PCTP: variants seen among roughly 807,000 people sequenced by gnomAD.
The protein encoded by PCTP is START domain-containing protein 2.
In PCTP, 27 loss-of-function variants were observed where a neutral mutation model predicts 31.0. The ratio of observed to expected loss-of-function variants is 0.87; its 90% CI spans 0.64 to 1.20. The LOEUF (loss-of-function observed/expected upper bound fraction) is 1.20, where lower values mean the gene tolerates loss of function less well. PCTP is among the 50% of genes most tolerant of loss of function. PCTP has a pLI of 0.00. For missense variants in PCTP, 287 were observed against 268.2 expected, an observed-to-expected ratio of 1.07 and a Z score of -0.49; for synonymous variants, 108 against 101.2, an observed-to-expected ratio of 1.07 and a Z score of -0.40.
At chr17:55,781,029 A>T (rs79320680), downstream of PCTP, among the ~76,000 whole-genome samples, 1 of 150,898 alleles carries the variant, frequency 6.6e-6, no homozygotes, top group Non-Finnish European at 1.5e-5. Context: ...AAAAAAAAAA[A>T]ATAGCAGCTT....
chr17:55,788,435 G>C (rs957430101), intron 3 of PCTP, among the ~76,000 whole-genome samples: 2 of 151,972 alleles, frequency 1.3e-5, no homozygotes, highest in Non-Finnish European at 2.9e-5. Context: ...TTTACTTATG[G>C]GGATTATGTT....
intron 3 of PCTP, among the ~76,000 whole-genome samples, chr17:55,821,841 C>A (rs531158327): frequency 6.6e-6 from 1 of 152,116 alleles, no homozygotes; most frequent in African/African-American, 2.4e-5. Flanking sequence ...CTGGGGTGTT[C>A]ACAATAGTGA....
At chr17:55,832,241 G>T (rs1376000373) in intron 5 of PCTP, among the ~76,000 whole-genome samples, 1 of 152,198 alleles carries the variant, frequency 6.6e-6, no homozygotes, top group African/African-American at 2.4e-5. Context: ...ATCCTTGAGG[G>T]CAAGCTCTGT....
intron 3 of PCTP, among the ~76,000 whole-genome samples, chr17:55,793,495 A>C (rs1298314969): frequency 6.6e-6 from 1 of 152,100 alleles, no homozygotes; most frequent in East Asian, 1.9e-4. Context: ...CTGAGGCTCA[A>C]TTGAAAACCA....
rs575544135 is a variant in PCTP, at chr17:55,822,966, T to C, written c.*82T>C. 12 of 486,072 alleles carry C rather than the reference T, an allele frequency of 2.5e-5. No individual in the cohort carries two copies. The South Asian group carries it at 1.4e-3, about 55-fold the overall frequency. 30.1% of individuals were successfully genotyped at this position (486,072 alleles called of 1,614,324 possible). A position where few individuals can be genotyped will look rare whatever the true frequency, so the allele number is the denominator to read the frequency against. Reference sequence around the variant, plus strand: ...TCTCATTGTTTTTTCTCATAAGCCCTGAATTAATTCATTTATTCACAGTAT... The same window carrying C: ...TCTCATTGTTTTTTCTCATAAGCCCCGAATTAATTCATTTATTCACAGTAT... On this transcript the variant is annotated 3_prime_UTR_variant, in exon 4 of 4. Coordinates refer to the PCTP transcript ENST00000572536.
downstream of PCTP, among the ~76,000 whole-genome samples, chr17:55,778,808 G>A (rs1451925151): frequency 6.6e-6 from 1 of 152,188 alleles, no homozygotes; most frequent in Non-Finnish European, 1.5e-5. Context: ...GGCAAAAGTA[G>A]CACTACTGTT....
chr17:55,798,266 G>C (rs942516853), intron 3 of PCTP, among the ~76,000 whole-genome samples: 1 of 151,976 alleles, frequency 6.6e-6, no homozygotes, highest in Non-Finnish European at 1.5e-5. Flanking sequence ...TCTCATAAGA[G>C]TGAAGAGGGA....
downstream of PCTP, among the ~76,000 whole-genome samples, chr17:55,826,440 T>C (rs1242511884): frequency 2.0e-5 from 3 of 148,432 alleles, no homozygotes; most frequent in Non-Finnish European, 4.4e-5. Context: ...CATGAGAGTA[T>C]CCATCTCCGA....
At chr17:55,780,982 T>C (rs1165571307), downstream of PCTP, among the ~76,000 whole-genome samples, 2 of 148,058 alleles carry the variant, frequency 1.4e-5, no homozygotes, top group Non-Finnish European at 3.0e-5. Flanking sequence ...GAGAGAGAAA[T>C]AGACTTCTTT....
intron 2 of PCTP, among the ~76,000 whole-genome samples, chr17:55,787,340 A>G (rs1259799755): frequency 1.3e-5 from 2 of 151,200 alleles, no homozygotes; most frequent in Non-Finnish European, 2.9e-5. Flanking sequence ...TTTTTTAAGT[A>G]TATAAAATAT....
intron 5 of PCTP, among the ~76,000 whole-genome samples, chr17:55,836,622 G>C (rs1055783952): frequency 1.3e-5 from 2 of 152,130 alleles, no homozygotes; most frequent in East Asian, 3.9e-4. Context: ...AGTTCTTCCC[G>C]GGCCTAGGGC....
downstream of PCTP, among the ~76,000 whole-genome samples, chr17:55,779,937 C>T (rs1911501094): frequency 6.6e-6 from 1 of 152,188 alleles, no homozygotes; most frequent in African/African-American, 2.4e-5. Flanking sequence ...GCGCAGCATA[C>T]CCTCCCACAC....
chr17:55,847,163 T>G (rs1244791646), downstream of PCTP, among the ~76,000 whole-genome samples: 2 of 152,248 alleles, frequency 1.3e-5, no homozygotes, highest in African/African-American at 4.8e-5. Flanking sequence ...TAACATCTTA[T>G]GTAAGGACAG....
intron 5 of PCTP, among the ~76,000 whole-genome samples, chr17:55,840,076 A>G (rs1905924217): frequency 6.6e-6 from 1 of 152,046 alleles, no homozygotes; most frequent in South Asian, 2.1e-4. Flanking sequence ...AAAATTTTGC[A>G]CCAGTCACCG....
chr17:55,797,943 C>T (rs986601289), intron 3 of PCTP, among the ~76,000 whole-genome samples: 12 of 151,808 alleles, frequency 7.9e-5, no homozygotes, highest in African/African-American at 2.9e-4. Context: ...GATCCAGATA[C>T]TAAATTTATA....
rs1205667694 is a variant in PCTP, at chr17:55,776,970, A to G, written c.*870A>G. On this transcript the variant is annotated 3_prime_UTR_variant, in exon 6 of 6. Coordinates refer to ENST00000268896, the MANE Select transcript of PCTP (RefSeq NM_021213.4). ...TAGCCTTGTGAAAAAGTATCTTTCT[A>G]TGCAATAAGATGAATTTTCCTCCCA... The G allele has an allele frequency of 1.0e-6, 1 of 985,658 alleles. No individual in the cohort carries two copies. Among genetic ancestry groups the G allele is most frequent in the Non-Finnish European group, 1.2e-6 (1 of 830,120 alleles). 61.1% of individuals were successfully genotyped at this position (985,658 alleles called of 1,614,324 possible). A position where few individuals can be genotyped will look rare whatever the true frequency, so the allele number is the denominator to read the frequency against.
At chr17:55,755,986 A>T (rs1016715932) in intron 1 of PCTP, among the ~76,000 whole-genome samples, 1 of 152,218 alleles carries the variant, frequency 6.6e-6, no homozygotes, top group Non-Finnish European at 1.5e-5. Context: ...CAAGAACTAC[A>T]TTCTGTTTCC....
chr17:55,837,501 A>G (rs1169054862), intron 5 of PCTP, among the ~76,000 whole-genome samples: 1 of 151,994 alleles, frequency 6.6e-6, no homozygotes, highest in Non-Finnish European at 1.5e-5. Flanking sequence ...AACCTATCTC[A>G]TCATCTTTTT....
chr17:55,834,948 A>C (rs1484938211), intron 5 of PCTP, among the ~76,000 whole-genome samples: 2 of 152,160 alleles, frequency 1.3e-5, no homozygotes, highest in Non-Finnish European at 2.9e-5. Flanking sequence ...TGCAGATGTA[A>C]TGAGTTAAGA....
Sources: gnomAD v4.1 joint callset for allele counts (sites outside exome capture counted in the v4.1 genomes callset) on GRCh38, gnomAD v4.1.1 for gene constraint, MANE v1.5 for transcripts, NCBI Gene and HGNC (gene_info 2026-07-23, HGNC 2026-07-21) for gene names.